MYOCD: variants seen among roughly 807,000 people sequenced by gnomAD.
MYOCD encodes myocardin.
A neutral mutation model predicts 96.1 loss-of-function variants in MYOCD; 32 were observed. The observed-to-expected ratio is 0.33, with a 90% CI of 0.25 to 0.45. The LOEUF is 0.45. MYOCD is among the 20% of genes least tolerant of loss of function. The pLI is 1.00. For synonymous variants in MYOCD, 469 were observed against 469.0 expected (o/e 1.00, Z 0.00); for missense variants, 1,133 against 1,200.6 (o/e 0.94, Z 0.83).
chr17:12,735,483 C>G (rs1047895053), intron 5 of MYOCD, among the ~76,000 whole-genome samples: 3 of 151,882 alleles, frequency 2.0e-5, no homozygotes, highest in African/African-American at 7.3e-5. Context: ...AAAATAGACA[C>G]AAAGATATGA....
At chr17:12,732,994 G>A (rs527713461) in intron 5 of MYOCD, among the ~76,000 whole-genome samples, 1 of 152,144 alleles carries the variant, frequency 6.6e-6, no homozygotes, top group African/African-American at 2.4e-5. Context: ...GAATTCTGGA[G>A]ACAGCCTTAG....
At position 12,717,411 on chromosome 17, in the gene MYOCD, C is replaced by T; in HGVS notation, c.243C>T (p.His81=). 3 of 1,613,544 alleles carry T rather than the reference C, an allele frequency of 1.9e-6. No homozygotes were observed. The highest frequency in any genetic ancestry group is 2.5e-6 in the Non-Finnish European group (3 of 1,179,624). Residue 81 remains histidine (H), a synonymous_variant, in exon 4 of 14, where the codon CAC becomes CAT. Transcript: ENST00000425538. ...ACAGTGCCGACTTGGTTAATATGCA[C>T]ATACTCCAAGGTAAGGCTGCAAGAA... ...RCNSADLVNM[H]ILQASTAERS...
At chr17:12,701,972 T>C (rs12451665) in intron 1 of MYOCD, among the ~76,000 whole-genome samples, 24,795 of 152,062 alleles carry the variant, frequency 0.16, 2,084 homozygotes, top group Admixed American at 0.2. Flanking sequence ...GCCTAGTGTA[T>C]ATTGGTGAAT....
chr17:12,744,500 C>G (rs1410191253), intron 8 of MYOCD, 64 bp downstream of exon 8: 8 of 1,526,742 alleles, frequency 5.2e-6, no homozygotes, highest in Non-Finnish European at 7.1e-6. Flanking sequence ...CTATTAATAT[C>G]TATCTGCCAG....
intron 1 of MYOCD, among the ~76,000 whole-genome samples, chr17:12,679,268 A>G (rs911551533): frequency 6.6e-6 from 1 of 152,190 alleles, no homozygotes; most frequent in African/African-American, 2.4e-5. Context: ...TGAAAGAATT[A>G]GATGAGAAGG....
At chr17:12,685,713 C>T (rs529709795) in intron 1 of MYOCD, among the ~76,000 whole-genome samples, 67 of 152,138 alleles carry the variant, frequency 4.4e-4, no homozygotes, top group Non-Finnish European at 7.5e-4. Flanking sequence ...CCCTTAGTAG[C>T]CTTCTACATA....
Position 12,765,042 on chromosome 17 carries a change from C to T in MYOCD, c.*1398C>T, listed in dbSNP as rs948430920. The T allele has an allele frequency of 6.6e-6, 1 of 152,112 alleles. No homozygotes were observed. The highest frequency in any genetic ancestry group is 1.5e-5 in the Non-Finnish European group (1 of 68,046). 9.4% of individuals were successfully genotyped at this position (152,112 alleles called of 1,614,324 possible). On this transcript the variant is annotated 3_prime_UTR_variant, in exon 14 of 14. Transcript: ENST00000425538. ...TAAAGACAAATATGGATGATATTTACAAGAGAGAATTTCAGATCTGGGTTT... is the reference window on the plus strand; with the variant it reads ...TAAAGACAAATATGGATGATATTTATAAGAGAGAATTTCAGATCTGGGTTT...
chr17:12,740,512 T>G (rs1450858374), intron 7 of MYOCD, among the ~76,000 whole-genome samples: 2 of 152,248 alleles, frequency 1.3e-5, no homozygotes, highest in Non-Finnish European at 2.9e-5. Context: ...CATTCCTTTT[T>G]ATGGCTGAGT....
intron 5 of MYOCD, among the ~76,000 whole-genome samples, chr17:12,723,888 A>T (rs2031920706): frequency 2.0e-5 from 3 of 152,262 alleles, no homozygotes. Context: ...TAAGTTTATT[A>T]TAAAACTTGT....
intron 1 of MYOCD, among the ~76,000 whole-genome samples, chr17:12,681,006 G>T (rs1051708058): frequency 6.6e-6 from 1 of 152,180 alleles, no homozygotes; most frequent in Non-Finnish European, 1.5e-5. Context: ...AGGAGGTACT[G>T]TTGTTACAGT....
At chr17:12,723,158 C>T in intron 5 of MYOCD, 150 bp downstream of exon 5, 1 of 746,896 alleles carries the variant, frequency 1.3e-6, no homozygotes, top group Non-Finnish European at 2.1e-6. Context: ...TTCTCCATAA[C>T]CAGGGATCCT....
Position 12,768,310 on chromosome 17 carries a change from T to G in MYOCD, c.*4666T>G, listed in dbSNP as rs1343833077. ...TGAGCCTACCCATGGGGAGACGATT[T>G]CAAGACAGGATGAGATCTGGGAAGA... On this transcript the variant is annotated 3_prime_UTR_variant, in exon 14 of 14. Coordinates refer to ENST00000425538, the MANE Select transcript of MYOCD (RefSeq NM_001146312.3). The G allele has an allele frequency of 6.6e-6, 1 of 152,160 alleles. No homozygotes were observed. The highest frequency in any genetic ancestry group is 2.4e-5 in the African/African-American group (1 of 41,446). 9.4% of individuals were successfully genotyped at this position (152,160 alleles called of 1,614,324 possible).
intron 13 of MYOCD, chr17:12,761,730 TCTC>T (rs2033181461): frequency 6.6e-6 from 1 of 152,362 alleles, no homozygotes; most frequent in African/African-American, 2.4e-5. Flanking sequence ...ATCAAGCGAT[TCTC>T]CTGCCTCAGC....
At chr17:12,718,097 A>G (rs1297546188) in intron 4 of MYOCD, among the ~76,000 whole-genome samples, 1 of 151,976 alleles carries the variant, frequency 6.6e-6, no homozygotes. Context: ...TACCTATGAG[A>G]TATTTGTTCC....
Position 12,732,774 on chromosome 17 carries a change from G to C in MYOCD, c.416-3387G>C, listed in dbSNP as rs577727699. On this transcript the variant is annotated intron_variant, in intron 5 of 13. Coordinates refer to ENST00000425538, the MANE Select transcript of MYOCD (RefSeq NM_001146312.3). Reference sequence around the variant, plus strand: ...GACATCATTCTTGTGCTTCGACCTGGGGTCACCAAATGCCAGGTGTCAGAG... The same window carrying C: ...GACATCATTCTTGTGCTTCGACCTGCGGTCACCAAATGCCAGGTGTCAGAG... Among the ~76,000 whole-genome samples, 9 of 152,248 alleles carry C rather than the reference G, an allele frequency of 5.9e-5. No homozygotes were observed. The East Asian group carries it at 1.5e-3, about 26-fold the overall frequency.
chr17:12,689,695 A>C (rs2030346578), intron 1 of MYOCD, among the ~76,000 whole-genome samples: 3 of 152,110 alleles, frequency 2.0e-5, no homozygotes, highest in Admixed American at 2.0e-4. Context: ...GCTGGGCATG[A>C]TGGCAGGCAA....
intron 10 of MYOCD, among the ~76,000 whole-genome samples, chr17:12,754,702 C>CTATA (rs2032963751): frequency 1.3e-5 from 2 of 152,178 alleles, no homozygotes; most frequent in Non-Finnish European, 2.9e-5. Context: ...CTAGGAAAGC[C>CTATA]TATGTAAGTC....
chr17:12,683,869 A>G (rs1387517274), intron 1 of MYOCD, among the ~76,000 whole-genome samples: 1 of 152,228 alleles, frequency 6.6e-6, no homozygotes, highest in Non-Finnish European at 1.5e-5. Flanking sequence ...GACGTACAGT[A>G]GGTGATCAGT....
chr17:12,670,720 T>C (rs1343075513), intron 1 of MYOCD, among the ~76,000 whole-genome samples: 39 of 152,262 alleles, frequency 2.6e-4, no homozygotes, highest in Admixed American at 2.6e-3. Flanking sequence ...GACTGGTTTC[T>C]ATTTCAAGTT....
Sources: gnomAD v4.1 joint callset for allele counts (sites outside exome capture counted in the v4.1 genomes callset) on GRCh38, gnomAD v4.1.1 for gene constraint, MANE v1.5 for transcripts, NCBI Gene and HGNC (gene_info 2026-07-23, HGNC 2026-07-21) for gene names.